The following VPS13C variants were observed in gnomAD, a reference collection of about 807,000 sequenced individuals.
VPS13C encodes the protein intermembrane lipid transfer protein VPS13C.
Under a neutral mutation model 456.8 loss-of-function variants are expected in VPS13C, and 358 were observed. The ratio of observed to expected loss-of-function variants is 0.78; its 90% confidence interval spans 0.72 to 0.86. The LOEUF (loss-of-function observed/expected upper bound fraction) is 0.86, where lower values mean the gene tolerates loss of function less well. Ranked by LOEUF, VPS13C falls within the 40% of genes least tolerant of loss-of-function variation. VPS13C has a pLI of 0.00. For missense variants in VPS13C, 4,818 were observed against 4,385.4 expected, an observed-to-expected ratio of 1.10 and a Z score of -2.79; for synonymous variants, 1,578 against 1,486.7, an observed-to-expected ratio of 1.06 and a Z score of -1.41.
At chr15:61,951,690 C>T (rs919356953) in intron 39 of VPS13C, 134 bp downstream of exon 39, 1 of 879,440 alleles carries the variant, frequency 1.1e-6, no homozygotes, top group African/African-American at 1.7e-5. Flanking sequence ...TACCCAGGGA[C>T]TGTTTTTGAA....
chr15:61,980,829 TTTTTATC>T (rs1357868834), intron 22 of VPS13C, among the ~76,000 whole-genome samples: 1 of 152,150 alleles, frequency 6.6e-6, no homozygotes, highest in African/African-American at 2.4e-5. Context: ...TGTTTTTTTA[TTTTTATC>T]TTTTAATTCC....
In VPS13C at chr15:61,928,945, GA is replaced by G. The variant is rs530652948; in HGVS notation, c.6286+555del. 1.7e-4 allele frequency among the ~76,000 whole-genome samples: 26 copies of G among 150,590 alleles called. No homozygotes were observed. The Middle Eastern group carries it at 0.01, about 59-fold the overall frequency. The stretch of plus-strand genomic sequence containing the variant: ...GGAGAGAACAGGAAAGAAAAGGAAA[GA>G]AAAAAAAGGGAAAGAAAATAAAGAA... On this transcript the variant is annotated intron_variant, in intron 51 of 84. Transcript: ENST00000644861.
intron 16 of VPS13C, among the ~76,000 whole-genome samples, chr15:61,994,894 A>G (rs948755897): frequency 3.0e-4 from 46 of 152,226 alleles, no homozygotes; most frequent in African/African-American, 1.1e-3. Context: ...GCCTCTATTC[A>G]GCTATCTTAA....
chr15:61,993,112 C>T (rs945071956), intron 16 of VPS13C, among the ~76,000 whole-genome samples: 1 of 151,996 alleles, frequency 6.6e-6, no homozygotes, highest in African/African-American at 2.4e-5. Context: ...GAAAATGCAA[C>T]CAGAAACTTC....
At chr15:61,963,973 T>C (rs770557618) in intron 31 of VPS13C, 22 bp from the exon 32 acceptor site, 7 of 1,450,640 alleles carry the variant, frequency 4.8e-6, no homozygotes, top group Non-Finnish European at 6.7e-6. Flanking sequence ...ACAAAGCATC[T>C]GTCACATGGT....
chr15:62,008,195 C>T (rs2046917163), intron 14 of VPS13C, among the ~76,000 whole-genome samples: 1 of 151,996 alleles, frequency 6.6e-6, no homozygotes, highest in Non-Finnish European at 1.5e-5. Flanking sequence ...CGCGTCACCG[C>T]ACCCCAGCCT....
intron 15 of VPS13C, among the ~76,000 whole-genome samples, chr15:62,001,243 G>A (rs988675319): frequency 1.3e-5 from 2 of 152,182 alleles, no homozygotes; most frequent in Non-Finnish European, 2.9e-5. Flanking sequence ...GAGAGTTTGA[G>A]AAACTTGTGT....
chr15:61,951,692 G>T, intron 39 of VPS13C, 132 bp downstream of exon 39: 1 of 962,510 alleles, frequency 1.0e-6, no homozygotes, highest in Non-Finnish European at 1.4e-6. Context: ...CCCAGGGACT[G>T]TTTTTGAAAA....
chr15:62,050,805 C>CAA (rs34228451), intron 1 of VPS13C, among the ~76,000 whole-genome samples: 647 of 55,782 alleles, frequency 0.012, 3 homozygotes, highest in Non-Finnish European at 0.018. Context: ...GACCCAGTCT[C>CAA]AAAAAAAAAA....
intron 1 of VPS13C, among the ~76,000 whole-genome samples, chr15:62,050,491 T>C (rs2048581164): frequency 6.6e-6 from 1 of 152,216 alleles, no homozygotes; most frequent in Non-Finnish European, 1.5e-5. Context: ...TTGAAAGATA[T>C]TTTAAGAAAT....
chr15:62,015,489 C>T (rs1267556998), intron 9 of VPS13C, among the ~76,000 whole-genome samples: 5 of 151,010 alleles, frequency 3.3e-5, no homozygotes, highest in Admixed American at 3.3e-4. Flanking sequence ...TGGTTTATTG[C>T]GGCACTATTC....
At chr15:62,050,805 C>CAAAAAAA in intron 1 of VPS13C, among the ~76,000 whole-genome samples, 1 of 55,886 alleles carries the variant, frequency 1.8e-5, no homozygotes, top group Non-Finnish European at 3.6e-5. Context: ...GACCCAGTCT[C>CAAAAAAA]AAAAAAAAAA....
chr15:61,875,870 A>T, intron 75 of VPS13C, 25 bp from the exon 76 acceptor site: 1 of 1,424,212 alleles, frequency 7.0e-7, no homozygotes, highest in Non-Finnish European at 9.6e-7. Flanking sequence ...AAATTAAATT[A>T]AGTCCTTCAC....
At position 61,874,922 on chromosome 15, in the gene VPS13C, T is replaced by C; in HGVS notation, c.10368A>G (p.Ala3456=). 4 of 1,590,714 alleles carry C rather than the reference T, an allele frequency of 2.5e-6. No homozygotes were observed. The highest frequency in any genetic ancestry group is 3.4e-6 in the Non-Finnish European group (4 of 1,170,134). Residue 3456 remains alanine, a synonymous_variant, in exon 77 of 85, where the codon GCA becomes GCG. Coordinates refer to ENST00000644861, the MANE Select transcript of VPS13C (RefSeq NM_020821.3). ...TTCTCACTCCAATCACTAACCCCTC[T>C]GCAAATTCTTCAGGGCCTTGAACAG... ...QGAVQGPEEF[A]EGLVIGVRSL... is the part of the protein sequence containing the mutation.
chr15:61,950,716 T>C (rs2140288715), intron 40 of VPS13C, among the ~76,000 whole-genome samples: 1 of 152,148 alleles, frequency 6.6e-6, no homozygotes, highest in East Asian at 1.9e-4. Context: ...ATAACACACT[T>C]TGCTTTGGAT....
In VPS13C at chr15:61,977,188, T is replaced by A; in HGVS notation, c.2302A>T (p.Lys768Ter). 6.4e-7 allele frequency: 1 copy of A among 1,550,466 alleles called. No individual in the cohort carries two copies. Among genetic ancestry groups the A allele is most frequent in the East Asian group, 2.4e-5 (1 of 41,520 alleles). ...GATGGATGCTGAAATCGACACTTTT[T>A]CCAGGTTTCCTCTTTAAAAAATAAT... ...LLFARAEETW[K>*]KCRFQHPSTM... The change falls in exon 24 of 85, where the codon AAA becomes TAA. Residue 768 changes from lysine to a stop codon, truncating the protein, a stop_gained. Coordinates refer to ENST00000644861, the MANE Select transcript of VPS13C (RefSeq NM_020821.3). LOFTEE classifies it high-confidence loss of function.
At chr15:61,925,823 T>C (rs888055858) in intron 52 of VPS13C, among the ~76,000 whole-genome samples, 1 of 152,200 alleles carries the variant, frequency 6.6e-6, no homozygotes, top group Admixed American at 6.5e-5. Flanking sequence ...CTGTTTAAAA[T>C]GTTTCTTTCT....
intron 57 of VPS13C, 116 bp from the exon 58 acceptor site, chr15:61,919,565 T>C: frequency 9.2e-7 from 1 of 1,083,572 alleles, no homozygotes; most frequent in Non-Finnish European, 1.2e-6. Flanking sequence ...CTAGAAATGA[T>C]CACCACAAAT....
chr15:62,053,598 A>T (rs192281794), intron 1 of VPS13C, among the ~76,000 whole-genome samples: 1 of 152,346 alleles, frequency 6.6e-6, no homozygotes, highest in East Asian at 1.9e-4. Flanking sequence ...TGCTCAAATC[A>T]CAGAAGTTTA....
Sources: allele counts gnomAD v4.1 joint callset (sites outside exome capture counted in the v4.1 genomes callset), GRCh38; gene constraint gnomAD v4.1.1; transcripts MANE v1.5; gene names NCBI Gene and HGNC (gene_info 2026-07-23, HGNC 2026-07-21).